The following GALNTL6 variants were observed in gnomAD, a reference collection of about 807,000 sequenced individuals.
The protein encoded by GALNTL6 is polypeptide N-acetylgalactosaminyltransferase-like 6.
A neutral mutation model predicts 73.7 loss-of-function variants in GALNTL6; 46 were observed. The ratio of observed to expected loss-of-function variants is 0.62; its 90% CI spans 0.49 to 0.80. GALNTL6 has a LOEUF of 0.80. GALNTL6 is among the 30% of genes least tolerant of loss of function. The pLI is 0.00. For missense variants in GALNTL6, 604 were observed against 755.0 expected (o/e 0.80, Z 2.34); for synonymous variants, 259 against 263.7 (o/e 0.98, Z 0.17).
intron 5 of GALNTL6, among the ~76,000 whole-genome samples, chr4:172,744,251 G>T (rs1736968174): frequency 6.6e-6 from 1 of 152,006 alleles, no homozygotes; most frequent in African/African-American, 2.4e-5. Context: ...ATGGCATTTT[G>T]GGTCCCCAGA....
At chr4:172,551,238 C>G (rs901973806) in intron 5 of GALNTL6, among the ~76,000 whole-genome samples, 1 of 152,094 alleles carries the variant, frequency 6.6e-6, no homozygotes, top group East Asian at 1.9e-4. Context: ...TATGTTCTAT[C>G]ATTTTAATTG....
chr4:172,155,224 C>T (rs1734218726), intron 2 of GALNTL6, among the ~76,000 whole-genome samples: 1 of 152,140 alleles, frequency 6.6e-6, no homozygotes, highest in African/African-American at 2.4e-5. Flanking sequence ...TCTTGAACTC[C>T]AGACTTCAAG....
At chr4:172,550,497 T>C (rs1370084644) in intron 5 of GALNTL6, among the ~76,000 whole-genome samples, 1 of 152,232 alleles carries the variant, frequency 6.6e-6, no homozygotes, top group African/African-American at 2.4e-5. Context: ...GTTATGTTGC[T>C]TGGGTTGTCA....
chr4:172,254,573 T>C (rs956123963), intron 3 of GALNTL6, among the ~76,000 whole-genome samples: 1 of 151,740 alleles, frequency 6.6e-6, no homozygotes, highest in Admixed American at 6.6e-5. Context: ...CACTTAACAT[T>C]GTCCCCTCTT....
chr4:172,529,863 T>TTTTATTTTA (rs1554032972), intron 5 of GALNTL6, among the ~76,000 whole-genome samples: 48,253 of 138,146 alleles, frequency 0.35, 8,539 homozygotes, highest in African/African-American at 0.41. Flanking sequence ...TTTATTTTTA[T>TTTTATTTTA]TTTATTTATT....
At chr4:172,831,666 G>A (rs879676706) in intron 7 of GALNTL6, among the ~76,000 whole-genome samples, 5 of 152,136 alleles carry the variant, frequency 3.3e-5, no homozygotes, top group Non-Finnish European at 7.4e-5. Context: ...GCCTTGCTAT[G>A]ACCTAAGTGT....
chr4:172,512,762 C>T (rs1276348064), intron 5 of GALNTL6, among the ~76,000 whole-genome samples: 1 of 152,166 alleles, frequency 6.6e-6, no homozygotes, highest in Non-Finnish European at 1.5e-5. Flanking sequence ...GGAGGCTAAA[C>T]ATAGTACCCC....
intron 5 of GALNTL6, among the ~76,000 whole-genome samples, chr4:172,379,778 C>G (rs1309532156): frequency 6.6e-6 from 1 of 152,114 alleles, no homozygotes; most frequent in African/African-American, 2.4e-5. Flanking sequence ...TGAATAAAAG[C>G]AGAGAGGGGC....
chr4:172,419,410 ATTATT>A (rs1400195227), intron 5 of GALNTL6, among the ~76,000 whole-genome samples: 1 of 152,168 alleles, frequency 6.6e-6, no homozygotes, highest in Non-Finnish European at 1.5e-5. Flanking sequence ...ATTAAATATG[ATTATT>A]TTAGTTATAA....
chr4:172,291,120 A>C (rs1366178797), intron 3 of GALNTL6, among the ~76,000 whole-genome samples: 1 of 152,122 alleles, frequency 6.6e-6, no homozygotes, highest in Non-Finnish European at 1.5e-5. Flanking sequence ...ACAGCGTGAA[A>C]ACCATTCCAG....
intron 2 of GALNTL6, among the ~76,000 whole-genome samples, chr4:171,968,753 C>T (rs1739465162): frequency 6.6e-6 from 1 of 151,656 alleles, no homozygotes; most frequent in Admixed American, 6.6e-5. Flanking sequence ...CCAGTGTCCT[C>T]TCTCAGTCAG....
chr4:172,623,505 A>T (rs1739042738), intron 5 of GALNTL6, among the ~76,000 whole-genome samples: 1 of 152,142 alleles, frequency 6.6e-6, no homozygotes. Context: ...TTTATTAAAT[A>T]GGAATTTTAA....
intron 2 of GALNTL6, among the ~76,000 whole-genome samples, chr4:172,131,315 G>A (rs896583561): frequency 2.0e-5 from 3 of 150,178 alleles, no homozygotes; most frequent in Non-Finnish European, 4.4e-5. Flanking sequence ...AAGAAAATAT[G>A]AGGATCATAT....
At chr4:172,164,343 A>G (rs1397254032) in intron 2 of GALNTL6, among the ~76,000 whole-genome samples, 1 of 152,026 alleles carries the variant, frequency 6.6e-6, no homozygotes, top group African/African-American at 2.4e-5. Context: ...AAATATTTAT[A>G]GGACTAAATC....
intron 2 of GALNTL6, among the ~76,000 whole-genome samples, chr4:171,967,964 T>G (rs12503009): frequency 6.6e-6 from 1 of 151,910 alleles, no homozygotes; most frequent in Admixed American, 6.6e-5. Context: ...ATACCCTAGT[T>G]GTGAGAACAG....
chr4:172,454,097 C>A (rs965087729), intron 5 of GALNTL6, among the ~76,000 whole-genome samples: 8 of 152,108 alleles, frequency 5.3e-5, no homozygotes, highest in Non-Finnish European at 1.2e-4. Context: ...GAAAAGATAA[C>A]TGTAAAATTT....
At chr4:172,822,572 T>C (rs1741993704) in intron 7 of GALNTL6, among the ~76,000 whole-genome samples, 1 of 152,148 alleles carries the variant, frequency 6.6e-6, no homozygotes, top group Non-Finnish European at 1.5e-5. Flanking sequence ...GGACTTCTGA[T>C]CTCATTCTTG....
chr4:172,457,678 A>G (rs1732448326), intron 5 of GALNTL6, among the ~76,000 whole-genome samples: 1 of 152,210 alleles, frequency 6.6e-6, no homozygotes, highest in African/African-American at 2.4e-5. Context: ...ATATATATGC[A>G]CCCAATACAG....
intron 5 of GALNTL6, among the ~76,000 whole-genome samples, chr4:172,591,597 A>T (rs1388717841): frequency 2.4e-4 from 36 of 152,314 alleles, no homozygotes; most frequent in Non-Finnish European, 1.5e-5. Flanking sequence ...TAATGGTTAA[A>T]CTTTTAAAAG....
Sources: gnomAD v4.1 joint callset for allele counts (sites outside exome capture counted in the v4.1 genomes callset) on GRCh38, gnomAD v4.1.1 for gene constraint, MANE v1.5 for transcripts, NCBI Gene and HGNC (gene_info 2026-07-23, HGNC 2026-07-21) for gene names.